The following DNAH11 variants were observed in gnomAD, a reference collection of about 807,000 sequenced individuals.
DNAH11 encodes the protein dynein axonemal heavy chain 11.
A neutral mutation model predicts 526.0 loss-of-function variants in DNAH11; 442 were observed. That is an observed-to-expected ratio of 0.84 (90% CI 0.78 to 0.91). The LOEUF (loss-of-function observed/expected upper bound fraction) is 0.91, where lower values mean the gene tolerates loss of function less well. Ranked by LOEUF, DNAH11 falls within the 40% of genes least tolerant of loss-of-function variation. The pLI is 0.00. For missense variants in DNAH11, 6,989 were observed against 5,448.7 expected (o/e 1.28, Z -8.90); for synonymous variants, 2,461 against 1,935.9 (o/e 1.27, Z -7.12).
At chr7:21,594,175 C>T (rs1784790641) in intron 14 of DNAH11, among the ~76,000 whole-genome samples, 1 of 151,894 alleles carries the variant, frequency 6.6e-6, no homozygotes, top group Non-Finnish European at 1.5e-5. Flanking sequence ...CAGAGTCTTC[C>T]AGAGGCTGGG....
intron 62 of DNAH11, among the ~76,000 whole-genome samples, chr7:21,806,974 G>T (rs1197794462): frequency 6.6e-6 from 1 of 152,062 alleles, no homozygotes; most frequent in African/African-American, 2.4e-5. Context: ...GATTATATTA[G>T]AAAACTAACC....
At chr7:21,755,297 A>G (rs1352127063) in intron 54 of DNAH11, among the ~76,000 whole-genome samples, 4 of 152,176 alleles carry the variant, frequency 2.6e-5, no homozygotes, top group South Asian at 4.1e-4. Flanking sequence ...ACATTTGTCT[A>G]TATGCATCTT....
chr7:21,612,943 A>G (rs1039299885), intron 20 of DNAH11, among the ~76,000 whole-genome samples: 4 of 152,244 alleles, frequency 2.6e-5, no homozygotes, highest in East Asian at 1.9e-4. Context: ...AACTTTAGCT[A>G]TCATTCAACA....
chr7:21,590,955 T>C lies in DNAH11; in HGVS notation c.2207T>C (p.Met736Thr). Residue 736 changes from methionine to threonine, a missense_variant, in exon 13 of 82, where the codon ATG becomes ACG. Met to Thr is a moderately conservative substitution (Grantham distance 81). Transcript: ENST00000409508. ...TTGAGAGAAGTGAAATATCTTTTGA[T>C]GTTGAAGAAACAAGACATACCAGAT... ...AVLREVKYLL[M>T]LKKQDIPDSA... 1 of 1,510,776 alleles carries C rather than the reference T, an allele frequency of 6.6e-7. No homozygotes were observed. Among genetic ancestry groups the C allele is most frequent in the Non-Finnish European group, 8.8e-7 (1 of 1,139,610 alleles). The allele number at this position is 1,510,776 out of a possible 1,614,324, so 93.6% of individuals were successfully genotyped here. A position where few individuals can be genotyped will look rare whatever the true frequency, so the allele number is the denominator to read the frequency against.
chr7:21,738,412 A>G (rs1051896239), intron 46 of DNAH11, among the ~76,000 whole-genome samples: 6 of 152,154 alleles, frequency 3.9e-5, no homozygotes, highest in Non-Finnish European at 5.9e-5. Flanking sequence ...CAGATCAGCA[A>G]TTGGGTTGTT....
intron 2 of DNAH11, among the ~76,000 whole-genome samples, chr7:21,547,554 A>G (rs939151232): frequency 2.0e-5 from 3 of 152,162 alleles, no homozygotes; most frequent in Non-Finnish European, 4.4e-5. Context: ...TTGCCTGGAC[A>G]TATGCCCCTT....
Position 21,773,882 on chromosome 7 carries a change from T to C in DNAH11, c.9219T>C (p.Ser3073=), listed in dbSNP as rs1326485426. Residue 3073 remains serine, a synonymous_variant, in exon 56 of 82, where the codon AGT becomes AGC. Coordinates refer to ENST00000409508, the MANE Select transcript of DNAH11 (RefSeq NM_001277115.2). ...GACACAACTATACCACCCCAAAGAG[T>C]TTTCTAGAACAAATATCACTGTTTA... is the stretch of plus-strand genomic sequence containing the variant. ...ERRHNYTTPK[S]FLEQISLFKN... 6 of 1,605,206 alleles carry C rather than the reference T, an allele frequency of 3.7e-6. No individual in the cohort carries two copies. The Admixed American group carries it at 5.1e-5, about 14-fold the overall frequency.
chr7:21,734,022 AAAAC>A (rs1785500160), intron 45 of DNAH11, among the ~76,000 whole-genome samples: 1 of 152,190 alleles, frequency 6.6e-6, no homozygotes, highest in African/African-American at 2.4e-5. Flanking sequence ...TCGTCACACT[AAAAC>A]AAGCAAAGCA....
chr7:21,705,630 C>T, intron 39 of DNAH11, 93 bp downstream of exon 39: 3 of 1,231,844 alleles, frequency 2.4e-6, no homozygotes, highest in South Asian at 1.3e-5. Context: ...AAAAGAATTC[C>T]CCTCCATGAA....
In DNAH11 at chr7:21,606,476, A is replaced by C. The variant is rs1347025384; in HGVS notation, c.3699A>C (p.Arg1233Ser). Residue 1233 changes from arginine to serine, a missense_variant, in exon 19 of 82, where the codon AGA becomes AGC. Transcript: ENST00000409508. ...CCAAAAAGATCGCAGCAACTGTCAGACATGAAGTCTCACCTCTCCATAATG... is the reference window on the plus strand; with the variant it reads ...CCAAAAAGATCGCAGCAACTGTCAGCCATGAAGTCTCACCTCTCCATAATG... The part of the protein sequence containing the change: ...ETTKKIAATV[R>S]HEVSPLHNAE... The C allele has an allele frequency of 8.1e-6, 13 of 1,610,886 alleles. No homozygotes were observed. Among genetic ancestry groups the C allele is most frequent in the African/African-American group, 1.3e-5 (1 of 74,802 alleles).
intron 79 of DNAH11, among the ~76,000 whole-genome samples, chr7:21,897,416 G>T (rs780606806): frequency 2.8e-5 from 4 of 144,986 alleles, no homozygotes; most frequent in Non-Finnish European, 6.1e-5. Flanking sequence ...AAATGCTGCC[G>T]TGGAGATGTC....
At chr7:21,851,319 T>G (rs1023739598) in intron 66 of DNAH11, 22 of 266,494 alleles carry the variant, frequency 8.3e-5, no homozygotes, top group African/African-American at 4.4e-4. Flanking sequence ...TCCACCATGA[T>G]TGTAAGTTTC....
intron 2 of DNAH11, among the ~76,000 whole-genome samples, chr7:21,549,990 A>G (rs1262425327): frequency 9.9e-5 from 15 of 152,126 alleles, no homozygotes; most frequent in Non-Finnish European, 1.5e-5. Flanking sequence ...GCCCGTTTCC[A>G]TTTTGACCTG....
At chr7:21,757,045 A>T (rs1011458406) in intron 54 of DNAH11, among the ~76,000 whole-genome samples, 2 of 152,190 alleles carry the variant, frequency 1.3e-5, no homozygotes, top group African/African-American at 4.8e-5. Context: ...AAGCCATTGG[A>T]TGGAGGGAAG....
At chr7:21,576,367 T>C (rs1784094230) in intron 8 of DNAH11, among the ~76,000 whole-genome samples, 1 of 152,104 alleles carries the variant, frequency 6.6e-6, no homozygotes, top group African/African-American at 2.4e-5. Flanking sequence ...AAGCACCAAG[T>C]TGGTTTAAGG....
intron 55 of DNAH11, among the ~76,000 whole-genome samples, chr7:21,766,747 A>G (rs1317760419): frequency 6.6e-6 from 1 of 150,432 alleles, no homozygotes; most frequent in Non-Finnish European, 1.5e-5. Flanking sequence ...GTAAGTACAC[A>G]TGCAAGTATT....
chr7:21,753,901 C>T (rs865972529), intron 54 of DNAH11, among the ~76,000 whole-genome samples: 1 of 152,062 alleles, frequency 6.6e-6, no homozygotes, highest in African/African-American at 2.4e-5. Flanking sequence ...AGAATTTAAT[C>T]TTCAGGGTAC....
chr7:21,694,839 C>G (rs1163413485), intron 35 of DNAH11, among the ~76,000 whole-genome samples: 1 of 152,198 alleles, frequency 6.6e-6, no homozygotes, highest in Non-Finnish European at 1.5e-5. Context: ...ATTCCTATTT[C>G]TCCACGTTCT....
intron 50 of DNAH11, 44 bp downstream of exon 50, chr7:21,744,643 A>G (rs757274772): frequency 1.2e-6 from 2 of 1,602,386 alleles, no homozygotes; most frequent in Admixed American, 1.8e-5. Flanking sequence ...TCCAACACCA[A>G]CTGGGTATTG....
Sources: gnomAD v4.1 joint callset for allele counts (sites outside exome capture counted in the v4.1 genomes callset) on GRCh38, gnomAD v4.1.1 for gene constraint, MANE v1.5 for transcripts, NCBI Gene and HGNC (gene_info 2026-07-23, HGNC 2026-07-21) for gene names.